SMYD2: variants seen among roughly 807,000 people sequenced by gnomAD.
SMYD2 encodes the protein N-lysine methyltransferase SMYD2.
In SMYD2, 53 loss-of-function variants were observed where a neutral mutation model predicts 59.1. That is an observed-to-expected ratio of 0.90 (90% CI 0.72 to 1.13). The LOEUF (loss-of-function observed/expected upper bound fraction) is 1.13, where lower values mean the gene tolerates loss of function less well. SMYD2 is among the 50% of genes most tolerant of loss of function. The pLI is 0.00. For missense variants in SMYD2, 494 were observed against 544.7 expected, an observed-to-expected ratio of 0.91 and a Z score of 0.93; for synonymous variants, 208 against 198.8, an observed-to-expected ratio of 1.05 and a Z score of -0.39.
At chr1:214,295,257 C>T (rs564054727) in intron 1 of SMYD2, among the ~76,000 whole-genome samples, 2 of 152,268 alleles carry the variant, frequency 1.3e-5, no homozygotes, top group South Asian at 2.1e-4. Context: ...ATTCTTTGGA[C>T]GAGCTTTAAC....
intron 7 of SMYD2, 82 bp downstream of exon 7, chr1:214,327,806 T>C (rs1571933833): frequency 8.3e-7 from 1 of 1,197,616 alleles, no homozygotes; most frequent in Non-Finnish European, 1.2e-6. Context: ...CTGTGCAGTG[T>C]CACTTGACAG....
At chr1:214,295,873 A>G (rs1253163909) in intron 1 of SMYD2, among the ~76,000 whole-genome samples, 2 of 152,154 alleles carry the variant, frequency 1.3e-5, no homozygotes, top group African/African-American at 4.8e-5. Context: ...AGGCCTTGCT[A>G]GTATAACCAC....
At chr1:214,319,370 GT>G (rs1215391001) in intron 5 of SMYD2, among the ~76,000 whole-genome samples, 1 of 152,148 alleles carries the variant, frequency 6.6e-6, no homozygotes, top group Non-Finnish European at 1.5e-5. Context: ...TATCTGTAGT[GT>G]TTTTTCACTC....
intron 1 of SMYD2, among the ~76,000 whole-genome samples, chr1:214,284,661 G>A (rs1656507201): frequency 6.6e-6 from 1 of 151,496 alleles, no homozygotes; most frequent in African/African-American, 2.4e-5. Flanking sequence ...CCGCCTCCCG[G>A]GTTCAAGTGA....
At position 214,285,315 on chromosome 1, in the gene SMYD2, G is replaced by T. The variant is rs1203604696; in HGVS notation, c.173+3888G>T. On this transcript the variant is annotated intron_variant, in intron 1 of 11. Coordinates refer to ENST00000366957, the MANE Select transcript of SMYD2 (RefSeq NM_020197.3). Reference sequence around the variant, plus strand: ...TCAGTATTAAGGGCCATGAAATCCTGATGCTGTTTTCCTGAAGTTCTCTGA... The same window carrying T: ...TCAGTATTAAGGGCCATGAAATCCTTATGCTGTTTTCCTGAAGTTCTCTGA... Among the ~76,000 whole-genome samples the T allele has an allele frequency of 4.6e-5, 7 of 152,280 alleles. No individual in the cohort carries two copies. In the East Asian group the frequency reaches 7.7e-4, roughly 17 times the overall value.
chr1:214,305,380 A>T (rs1656899943), intron 2 of SMYD2, 130 bp downstream of exon 2: 1 of 913,130 alleles, frequency 1.1e-6, no homozygotes, highest in Non-Finnish European at 1.8e-6. Context: ...ATATCCTTGG[A>T]TGTGTGCTGA....
chr1:214,328,980 G>A (rs1255594572), intron 7 of SMYD2, among the ~76,000 whole-genome samples: 10 of 152,234 alleles, frequency 6.6e-5, no homozygotes, highest in Non-Finnish European at 1.5e-4. Flanking sequence ...GTCTGGCTGG[G>A]AGCAGTGGTA....
rs1432752194 is a variant in SMYD2, at chr1:214,318,240, G to A, written c.409+101G>A. On this transcript the variant is annotated intron_variant, in intron 4 of 11. Transcript: ENST00000366957. The surrounding 1 kb of genome is among the most constrained non-coding windows in gnomAD (Gnocchi z 5.4). Reference sequence around the variant, plus strand: ...GACGGGCTAGTTTGTGCTCAGAGGAGTAGTGATTTCTTTGATTACTAGTTT... The same window carrying A: ...GACGGGCTAGTTTGTGCTCAGAGGAATAGTGATTTCTTTGATTACTAGTTT... 1.8e-6 allele frequency: 2 copies of A among 1,096,456 alleles called. No homozygotes were observed. The highest frequency in any genetic ancestry group is 2.7e-6 in the Non-Finnish European group (2 of 754,540). The allele number at this position is 1,096,456 out of a possible 1,614,324, so 67.9% of individuals were successfully genotyped here.
At chr1:214,331,869 ATTCCT>A in intron 9 of SMYD2, 144 bp from the exon 10 acceptor site, 1 of 687,496 alleles carries the variant, frequency 1.5e-6, no homozygotes, top group East Asian at 2.8e-5. Flanking sequence ...GAGAAATGTA[ATTCCT>A]TTCACTTTTG....
At chr1:214,287,118 C>T (rs1333142038) in intron 1 of SMYD2, among the ~76,000 whole-genome samples, 2 of 152,028 alleles carry the variant, frequency 1.3e-5, no homozygotes, top group Non-Finnish European at 2.9e-5. Context: ...TATGAGCCAC[C>T]ACGCCTGGCC....
At chr1:214,303,574 G>A (rs113056308) in intron 1 of SMYD2, among the ~76,000 whole-genome samples, 263 of 152,256 alleles carry the variant, frequency 1.7e-3, no homozygotes, top group African/African-American at 6.0e-3. Context: ...CCCAAGACGC[G>A]TTTTTCTCCC....
intron 1 of SMYD2, among the ~76,000 whole-genome samples, chr1:214,287,352 C>T (rs999420779): frequency 3.3e-5 from 5 of 151,328 alleles, no homozygotes; most frequent in East Asian, 3.9e-4. Flanking sequence ...TTTGGGAAGC[C>T]GAGGCGGGCG....
At chr1:214,289,663 A>G (rs1232707317) in intron 1 of SMYD2, among the ~76,000 whole-genome samples, 2 of 152,156 alleles carry the variant, frequency 1.3e-5, no homozygotes, top group Non-Finnish European at 2.9e-5. Context: ...CCTGATGATC[A>G]CTAGGGAACT....
At chr1:214,292,089 T>TGAGAGAGAGAGAGAGAGA (rs56410935) in intron 1 of SMYD2, among the ~76,000 whole-genome samples, 27 of 145,986 alleles carry the variant, frequency 1.8e-4, no homozygotes, top group African/African-American at 5.9e-4. Context: ...TTTTCTAGGG[T>TGAGAGAGAGAGAGAGAGA]GAGAGAGAGA....
intron 2 of SMYD2, among the ~76,000 whole-genome samples, chr1:214,311,232 G>GAA (rs1558053291): frequency 2.7e-4 from 41 of 152,028 alleles, no homozygotes; most frequent in Middle Eastern, 3.2e-3. Context: ...GAATGAATGA[G>GAA]CAATTACCAA....
chr1:214,334,962 G>A (rs533288069), intron 11 of SMYD2, among the ~76,000 whole-genome samples: 1 of 152,190 alleles, frequency 6.6e-6, no homozygotes, highest in Admixed American at 6.5e-5. Flanking sequence ...GGCAGCATTC[G>A]CCTTTGGTTT....
chr1:214,293,432 T>C (rs1656670827), intron 1 of SMYD2, among the ~76,000 whole-genome samples: 1 of 152,210 alleles, frequency 6.6e-6, no homozygotes, highest in Non-Finnish European at 1.5e-5. Flanking sequence ...TTTACAATAA[T>C]TTAATATTTA....
At chr1:214,293,628 T>C (rs1656674147) in intron 1 of SMYD2, among the ~76,000 whole-genome samples, 1 of 152,168 alleles carries the variant, frequency 6.6e-6, no homozygotes, top group African/African-American at 2.4e-5. Flanking sequence ...TGAATCATTT[T>C]GCCTGATATT....
intron 2 of SMYD2, among the ~76,000 whole-genome samples, chr1:214,306,262 A>G (rs1656913547): frequency 6.7e-6 from 1 of 149,104 alleles, no homozygotes; most frequent in Non-Finnish European, 1.5e-5. Flanking sequence ...TGGATTACCC[A>G]CTATTTCATT....
Sources: gnomAD v4.1 joint callset for allele counts (sites outside exome capture counted in the v4.1 genomes callset) on GRCh38, gnomAD v4.1.1 for gene constraint, Gnocchi (gnomAD v3.1) non-coding constraint, MANE v1.5 for transcripts, NCBI Gene and HGNC (gene_info 2026-07-23, HGNC 2026-07-21) for gene names.